Variants in SLC24A3 observed in about 807,000 individuals in gnomAD.
SLC24A3 encodes the protein sodium/potassium/calcium exchanger 3.
Under a neutral mutation model 75.8 loss-of-function variants are expected in SLC24A3, and 28 were observed. The ratio of observed to expected loss-of-function variants is 0.37; its 90% CI spans 0.27 to 0.51. The LOEUF (loss-of-function observed/expected upper bound fraction) is 0.51. Ranked by LOEUF, SLC24A3 falls within the 20% of genes least tolerant of loss-of-function variation. The probability of loss-of-function intolerance (pLI) is 0.94; values close to 1 mark genes in which losing one functional copy is unlikely to be tolerated. For missense variants in SLC24A3, 663 were observed against 847.8 expected (o/e 0.78, Z 2.71); for synonymous variants, 372 against 334.1 (o/e 1.11, Z -1.24).
At chr20:19,224,783 C>G (rs1373575088) in intron 1 of SLC24A3, among the ~76,000 whole-genome samples, 1 of 152,018 alleles carries the variant, frequency 6.6e-6, no homozygotes, top group Non-Finnish European at 1.5e-5. Context: ...GGGCTGGAAC[C>G]CAGGCTTTCT....
chr20:19,270,698 A>T (rs935121756), intron 1 of SLC24A3, among the ~76,000 whole-genome samples: 1 of 152,072 alleles, frequency 6.6e-6, no homozygotes, highest in African/African-American at 2.4e-5. Flanking sequence ...TATGAATTTG[A>T]CACCAACATT....
chr20:19,359,569 T>A (rs936844134), intron 2 of SLC24A3, among the ~76,000 whole-genome samples: 4 of 152,150 alleles, frequency 2.6e-5, no homozygotes, highest in Non-Finnish European at 2.9e-5. Flanking sequence ...TTGATAGAGA[T>A]TGAGGCACCT....
At chr20:19,232,111 A>T (rs973733909) in intron 1 of SLC24A3, among the ~76,000 whole-genome samples, 3 of 151,378 alleles carry the variant, frequency 2.0e-5, no homozygotes, top group African/African-American at 7.3e-5. Flanking sequence ...ACTGTAGATT[A>T]TATAAGTAAT....
chr20:19,422,949 A>G (rs1986942121), intron 2 of SLC24A3, among the ~76,000 whole-genome samples: 1 of 152,204 alleles, frequency 6.6e-6, no homozygotes, highest in African/African-American at 2.4e-5. Flanking sequence ...TAAAGTTAGG[A>G]AGTCGCTTAT....
intron 15 of SLC24A3, among the ~76,000 whole-genome samples, chr20:19,712,231 A>G (rs926369716): frequency 3.3e-5 from 5 of 151,888 alleles, no homozygotes; most frequent in Admixed American, 2.6e-4. Flanking sequence ...AATTGCAGGC[A>G]TAAGTCACCA....
At chr20:19,246,537 A>T (rs1982489873) in intron 1 of SLC24A3, among the ~76,000 whole-genome samples, 1 of 152,188 alleles carries the variant, frequency 6.6e-6, no homozygotes, top group Non-Finnish European at 1.5e-5. Context: ...CTCAGATGAG[A>T]TTGACATTTT....
intron 7 of SLC24A3, among the ~76,000 whole-genome samples, chr20:19,663,678 T>G (rs902368563): frequency 2.0e-5 from 3 of 151,348 alleles, no homozygotes; most frequent in African/African-American, 7.3e-5. Flanking sequence ...CAACCACAGC[T>G]CCCCAAGCCA....
At chr20:19,469,165 C>T (rs953736142) in intron 2 of SLC24A3, among the ~76,000 whole-genome samples, 15 of 151,900 alleles carry the variant, frequency 9.9e-5, no homozygotes, top group African/African-American at 3.4e-4. Context: ...CAGAAGCGGA[C>T]GGATGAGCAG....
chr20:19,241,502 TAGGAGAATCTCACCC>T lies in SLC24A3; in HGVS notation c.142+28521_142+28535del, dbSNP rs542307938. ...CCATTCTTGCGGTGGGCCTATTGAT[TAGGAGAATCTCACCC>T]AGTCTCGCTTTGGCCGGGGTAGCTC... is the stretch of plus-strand genomic sequence containing the variant. On this transcript the variant is annotated intron_variant, in intron 1 of 16. Transcript: ENST00000328041. 2.2e-4 allele frequency among the ~76,000 whole-genome samples: 33 copies of T among 152,284 alleles called. 1 individual carries two copies. In the South Asian group the frequency reaches 6.0e-3, roughly 28 times the overall value.
chr20:19,570,313 C>T (rs1377944926), intron 3 of SLC24A3, among the ~76,000 whole-genome samples: 2 of 152,122 alleles, frequency 1.3e-5, no homozygotes, highest in Non-Finnish European at 2.9e-5. Context: ...TCCCACCAGG[C>T]CCCTCCTCCA....
intron 9 of SLC24A3, among the ~76,000 whole-genome samples, chr20:19,679,347 AC>A (rs1321408000): frequency 6.6e-6 from 1 of 152,256 alleles, no homozygotes; most frequent in Non-Finnish European, 1.5e-5. Context: ...CCAAAAAAAT[AC>A]GAAAACCAGT....
intron 1 of SLC24A3, among the ~76,000 whole-genome samples, chr20:19,263,446 G>T (rs1406009558): frequency 6.6e-6 from 1 of 152,194 alleles, no homozygotes; most frequent in African/African-American, 2.4e-5. Flanking sequence ...AAAAAAGCCT[G>T]ATTATTTAGG....
chr20:19,721,168 T>A lies in SLC24A3; in HGVS notation c.*28T>A. The A allele has an allele frequency of 6.2e-7, 1 of 1,612,948 alleles. No homozygotes were observed. Among genetic ancestry groups the A allele is most frequent in the Non-Finnish European group, 8.5e-7 (1 of 1,179,742 alleles). ...CGCCGGGTGCCCACAGAGGCTCAGC[T>A]CCTTCTTTTCTGTGCAATACGAGAC... is the stretch of plus-strand genomic sequence containing the variant. On this transcript the variant is annotated 3_prime_UTR_variant, in exon 17 of 17. Transcript: ENST00000328041.
intron 1 of SLC24A3, among the ~76,000 whole-genome samples, chr20:19,278,382 A>G (rs77509551): frequency 0.022 from 3,416 of 152,298 alleles, 146 homozygotes; most frequent in African/African-American, 0.077. Flanking sequence ...GATTCTTCTT[A>G]GGATCACCTC....
In SLC24A3 at chr20:19,577,643, A is replaced by G. The variant is rs538430971; in HGVS notation, c.349-2357A>G. On this transcript the variant is annotated intron_variant, in intron 3 of 16. Coordinates refer to ENST00000328041, the MANE Select transcript of SLC24A3 (RefSeq NM_020689.4). ...AGAAATGTAGCCACTATTTTGATTA[A>G]TGGCCTTACAAACTCTTATATGCAA... Among the ~76,000 whole-genome samples, 216 of 152,358 alleles carry G rather than the reference A, an allele frequency of 1.4e-3. 1 individual carries two copies. Among genetic ancestry groups the G allele is most frequent in the African/African-American group, 5.0e-3 (207 of 41,592 alleles).
intron 1 of SLC24A3, among the ~76,000 whole-genome samples, chr20:19,248,898 CA>C (rs1982571877): frequency 6.7e-6 from 1 of 149,986 alleles, no homozygotes; most frequent in African/African-American, 2.5e-5. Context: ...CACAGAAAGA[CA>C]AATACCGCAT....
intron 2 of SLC24A3, among the ~76,000 whole-genome samples, chr20:19,283,872 G>A (rs954396264): frequency 6.6e-6 from 1 of 152,286 alleles, no homozygotes; most frequent in Middle Eastern, 3.4e-3. Flanking sequence ...GCATCATTAC[G>A]GGTGGGGCAC....
intron 1 of SLC24A3, among the ~76,000 whole-genome samples, chr20:19,222,258 ACT>A (rs1981735491): frequency 6.6e-6 from 1 of 150,526 alleles, no homozygotes; most frequent in South Asian, 2.1e-4. Flanking sequence ...CCCCATATGG[ACT>A]CTTTTTTCAA....
chr20:19,466,521 G>GC (rs923688541), intron 2 of SLC24A3, among the ~76,000 whole-genome samples: 1 of 152,170 alleles, frequency 6.6e-6, no homozygotes, highest in African/African-American at 2.4e-5. Context: ...CTGGAATAGT[G>GC]CCCCATACTT....
Sources: gnomAD v4.1 joint callset for allele counts (sites outside exome capture counted in the v4.1 genomes callset) on GRCh38, gnomAD v4.1.1 for gene constraint, MANE v1.5 for transcripts, NCBI Gene and HGNC (gene_info 2026-07-23, HGNC 2026-07-21) for gene names.